The following ANKS1B variants were observed in gnomAD, a reference collection of about 807,000 sequenced individuals.
ANKS1B encodes ankyrin repeat and sterile alpha motif domain-containing protein 1B.
In ANKS1B, 36 loss-of-function variants were observed where a neutral mutation model predicts 148.3. The observed-to-expected ratio is 0.24, with a 90% confidence interval of 0.19 to 0.32. The LOEUF (loss-of-function observed/expected upper bound fraction) is 0.32, where lower values mean the gene tolerates loss of function less well. ANKS1B is among the 10% of genes least tolerant of loss of function. The pLI is 1.00. For synonymous variants in ANKS1B, 542 were observed against 560.8 expected, an observed-to-expected ratio of 0.97 and a Z score of 0.47; for missense variants, 1,157 against 1,542.6, an observed-to-expected ratio of 0.75 and a Z score of 4.19.
chr12:99,335,748 T>C (rs1025947673), intron 12 of ANKS1B, among the ~76,000 whole-genome samples: 3 of 152,068 alleles, frequency 2.0e-5, no homozygotes, highest in Non-Finnish European at 4.4e-5. Flanking sequence ...ACATTTTCAT[T>C]TCCATTTGTC....
At chr12:99,897,962 A>G (rs79537895) in intron 1 of ANKS1B, among the ~76,000 whole-genome samples, 1,690 of 152,012 alleles carry the variant, frequency 0.011, 57 homozygotes, top group African/African-American at 0.038. Flanking sequence ...TGAAACTTAC[A>G]CTGAGAAATA....
At chr12:99,934,476 T>C (rs749732868) in intron 1 of ANKS1B, among the ~76,000 whole-genome samples, 1 of 152,164 alleles carries the variant, frequency 6.6e-6, no homozygotes, top group Non-Finnish European at 1.5e-5. Context: ...AGTTTTGGAT[T>C]TCTTCATGGT....
chr12:99,236,480 T>C (rs1451658351), intron 14 of ANKS1B, among the ~76,000 whole-genome samples: 4 of 152,102 alleles, frequency 2.6e-5, no homozygotes, highest in African/African-American at 9.7e-5. Flanking sequence ...ATTGCCACAC[T>C]CTAAGACCAT....
intron 10 of ANKS1B, among the ~76,000 whole-genome samples, chr12:99,456,504 A>G (rs1008291265): frequency 6.6e-6 from 1 of 152,190 alleles, no homozygotes; most frequent in African/African-American, 2.4e-5. Flanking sequence ...GTTAAGTGCA[A>G]CTTAAAGAAA....
intron 1 of ANKS1B, among the ~76,000 whole-genome samples, chr12:99,852,186 T>C (rs1210158045): frequency 6.6e-6 from 1 of 152,214 alleles, no homozygotes; most frequent in Non-Finnish European, 1.5e-5. Context: ...TCCTTCACCT[T>C]ACGGGTTTTC....
rs188985391 is a variant in ANKS1B, at chr12:99,564,124, T to C, written c.1273-59483A>G. Among the ~76,000 whole-genome samples the C allele has an allele frequency of 1.2e-4, 18 of 152,296 alleles. No individual in the cohort carries two copies. In the East Asian group the frequency reaches 3.5e-3, roughly 29 times the overall value. On this transcript the variant is annotated intron_variant, in intron 9 of 26. Coordinates refer to ENST00000683438, the MANE Select transcript of ANKS1B (RefSeq NM_001352186.2). ...CAAACAGGATTGCAATCAAAACTTC[T>C]ATGTACATTGAATGAAAACTTCTCT... is the stretch of plus-strand genomic sequence containing the variant.
chr12:99,158,000 A>G (rs1420304238), intron 14 of ANKS1B, among the ~76,000 whole-genome samples: 1 of 152,046 alleles, frequency 6.6e-6, no homozygotes, highest in Non-Finnish European at 1.5e-5. Context: ...TAATTTTTAC[A>G]TGTTGACAAA....
At chr12:99,607,428 G>A (rs1293011452) in intron 9 of ANKS1B, among the ~76,000 whole-genome samples, 1 of 150,072 alleles carries the variant, frequency 6.7e-6, no homozygotes, top group African/African-American at 2.5e-5. Context: ...CATATTTACT[G>A]TGCATTCTAC....
At chr12:99,104,829 G>A (rs2058781693) in intron 15 of ANKS1B, 1 of 152,132 alleles carries the variant, frequency 6.6e-6, no homozygotes, top group African/African-American at 2.4e-5. Context: ...GTTGCTTGAT[G>A]CCCCTGCACT....
At chr12:99,369,804 A>ACG (rs2093012953) in intron 12 of ANKS1B, among the ~76,000 whole-genome samples, 1 of 115,360 alleles carries the variant, frequency 8.7e-6, no homozygotes, top group Non-Finnish European at 1.8e-5. Flanking sequence ...ACGGACGGAC[A>ACG]GACGGACGGA....
At chr12:98,888,408 G>C (rs1439755548) in intron 17 of ANKS1B, among the ~76,000 whole-genome samples, 2 of 152,122 alleles carry the variant, frequency 1.3e-5, no homozygotes, top group African/African-American at 4.8e-5. Context: ...GGTCCCACCT[G>C]TGTCCATCCT....
At chr12:99,186,115 A>G (rs2079811192) in intron 14 of ANKS1B, among the ~76,000 whole-genome samples, 1 of 152,224 alleles carries the variant, frequency 6.6e-6, no homozygotes, top group South Asian at 2.1e-4. Context: ...CAGCAAAACA[A>G]AGCTACAGGA....
At chr12:99,237,120 G>T (rs2088135913) in intron 14 of ANKS1B, among the ~76,000 whole-genome samples, 1 of 152,146 alleles carries the variant, frequency 6.6e-6, no homozygotes, top group Non-Finnish European at 1.5e-5. Context: ...GAAGAAAATT[G>T]CAAGGATGGT....
At chr12:99,668,479 A>G (rs2098520513) in intron 8 of ANKS1B, among the ~76,000 whole-genome samples, 1 of 151,996 alleles carries the variant, frequency 6.6e-6, no homozygotes, top group Non-Finnish European at 1.5e-5. Flanking sequence ...TTTCCTATAT[A>G]AGAACTGAAT....
rs373555307 is a variant in ANKS1B, at chr12:99,787,610, C to T, written c.670-5513G>A. 1.6e-3 allele frequency among the ~76,000 whole-genome samples: 248 copies of T among 152,222 alleles called. 5 individuals are homozygous for T. In the South Asian group the frequency reaches 0.049, roughly 30 times the overall value. On this transcript the variant is annotated intron_variant, in intron 4 of 26. Transcript: ENST00000683438. ...TCATTTGTCTTCCCCACTGGAACAC[C>T]GAATATTAACAACTATCTGCACACA...
intron 8 of ANKS1B, among the ~76,000 whole-genome samples, chr12:99,716,334 G>A (rs984838927): frequency 6.6e-5 from 10 of 150,724 alleles, no homozygotes; most frequent in African/African-American, 2.4e-4. Flanking sequence ...TTGGCGCCCC[G>A]ACACCTTTCC....
intron 11 of ANKS1B, among the ~76,000 whole-genome samples, chr12:99,415,547 T>C (rs80328720): frequency 0.015 from 2,259 of 152,330 alleles, 61 homozygotes; most frequent in African/African-American, 0.051. Context: ...TAGATTCATA[T>C]GCCATTGTGA....
intron 14 of ANKS1B, among the ~76,000 whole-genome samples, chr12:99,238,535 A>T (rs531351092): frequency 2.6e-5 from 4 of 152,310 alleles, no homozygotes; most frequent in Middle Eastern, 3.4e-3. Flanking sequence ...TCCCTGTCTG[A>T]CAGCTCGGAA....
At chr12:99,408,541 A>G (rs1007666712) in intron 11 of ANKS1B, among the ~76,000 whole-genome samples, 4 of 145,764 alleles carry the variant, frequency 2.7e-5, no homozygotes, top group African/African-American at 1.0e-4. Flanking sequence ...AAAGGAAACA[A>G]CCAATAAAGT....
Sources: allele counts gnomAD v4.1 joint callset (sites outside exome capture counted in the v4.1 genomes callset), GRCh38; gene constraint gnomAD v4.1.1; transcripts MANE v1.5; gene names NCBI Gene and HGNC (gene_info 2026-07-23, HGNC 2026-07-21).